TXLNA: variants seen among roughly 807,000 people sequenced by gnomAD.
TXLNA encodes the protein alpha-taxilin.
TXLNA carries 9 observed loss-of-function variants against 61.4 expected under a neutral mutation model. That is an observed-to-expected ratio of 0.15 (90% CI 0.09 to 0.26). The LOEUF (loss-of-function observed/expected upper bound fraction) is 0.26, where lower values mean the gene tolerates loss of function less well. Ranked by LOEUF, TXLNA falls within the 10% of genes least tolerant of loss-of-function variation. The pLI, the probability that TXLNA is intolerant of heterozygous loss-of-function variation, is 1.00. For synonymous variants in TXLNA, 257 were observed against 267.7 expected, an observed-to-expected ratio of 0.96 and a Z score of 0.39; for missense variants, 565 against 688.8, an observed-to-expected ratio of 0.82 and a Z score of 2.01.
Position 32,192,516 on chromosome 1 carries a change from A to C in TXLNA, c.1083+86A>C. 1 of 1,594,090 alleles carries C rather than the reference A, an allele frequency of 6.3e-7. No homozygotes were observed. The highest frequency in any genetic ancestry group is 8.6e-7 in the Non-Finnish European group (1 of 1,166,610). ...AGCTCATAGCCGGGTTATATGGGAG[A>C]AGTCTGGCCAGACCAGGCACAGATT... On this transcript the variant is annotated intron_variant, in intron 7 of 10. Transcript: ENST00000373610. The surrounding 1 kb of genome is among the most constrained non-coding windows in gnomAD (Gnocchi z 4.2).
At chr1:32,189,553 T>TG (rs1642860524) in intron 5 of TXLNA, among the ~76,000 whole-genome samples, 1 of 151,626 alleles carries the variant, frequency 6.6e-6, no homozygotes, top group African/African-American at 2.4e-5. Flanking sequence ...TTTTTTTTTT[T>TG]TGGGGACGGA....
chr1:32,193,436 C>T lies in TXLNA; in HGVS notation c.1251+136C>T, dbSNP rs1025033063. 4 of 680,234 alleles carry T rather than the reference C, an allele frequency of 5.9e-6. No individual in the cohort carries two copies. In the African/African-American group the frequency reaches 7.1e-5, roughly 12 times the overall value. 42.1% of individuals were successfully genotyped at this position (680,234 alleles called of 1,614,324 possible). On this transcript the variant is annotated intron_variant, in intron 9 of 10. Coordinates refer to ENST00000373610, the MANE Select transcript of TXLNA (RefSeq NM_175852.4). ...GTTAGGAAGGTTCACAGCCTTTCCC[C>T]TCTTGAGGCAGTATCAGTGGTATGT...
chr1:32,185,558 ATTT>A (rs755164801), intron 4 of TXLNA, among the ~76,000 whole-genome samples: 2 of 82,790 alleles, frequency 2.4e-5, no homozygotes, highest in Non-Finnish European at 2.5e-5. Context: ...ATGCTAGGCT[ATTT>A]TTTTTTTTTT....
chr1:32,182,302 C>T (rs1360284942), intron 3 of TXLNA, among the ~76,000 whole-genome samples: 1 of 151,894 alleles, frequency 6.6e-6, no homozygotes, highest in Non-Finnish European at 1.5e-5. Flanking sequence ...AGGGAAGGCT[C>T]CCTGACTCAG....
chr1:32,183,201 G>A (rs1241795303), intron 3 of TXLNA, among the ~76,000 whole-genome samples: 1 of 151,434 alleles, frequency 6.6e-6, no homozygotes, highest in East Asian at 2.0e-4. Context: ...TCAGCTCCCT[G>A]CAAGCTCCGC....
chr1:32,184,679 A>G, intron 4 of TXLNA, 63 bp downstream of exon 4: 1 of 1,210,146 alleles, frequency 8.3e-7, no homozygotes, highest in Non-Finnish European at 1.2e-6. Flanking sequence ...CACCTGGTGT[A>G]AGGTTGGGGG....
chr1:32,192,501 C>G lies in TXLNA; in HGVS notation c.1083+71C>G. The G allele has an allele frequency of 6.2e-7, 1 of 1,601,662 alleles. No homozygotes were observed. Among genetic ancestry groups the G allele is most frequent in the Non-Finnish European group, 8.5e-7 (1 of 1,171,782 alleles). ...GCTGGGCTCTGGCTCAGCTCATAGC[C>G]GGGTTATATGGGAGAAGTCTGGCCA... is the stretch of plus-strand genomic sequence containing the variant. On this transcript the variant is annotated intron_variant, in intron 7 of 10. Coordinates refer to ENST00000373610, the MANE Select transcript of TXLNA (RefSeq NM_175852.4). This position sits in a 1 kb window ranked among gnomAD's most constrained non-coding sequence, Gnocchi z 4.2.
intron 1 of TXLNA, 95 bp downstream of exon 1, chr1:32,179,871 G>A (rs1436771373): frequency 1.3e-5 from 2 of 152,134 alleles, no homozygotes; most frequent in African/African-American, 4.8e-5. Flanking sequence ...CTCCCCGCGT[G>A]GGCCGGGGGC....
chr1:32,195,131 G>A lies in TXLNA; in HGVS notation c.1577G>A (p.Gly526Glu), dbSNP rs989149994. The change falls in exon 11 of 11, where the codon GGA becomes GAA. Residue 526 changes from glycine to glutamate, a missense_variant. By Grantham distance (98) the Gly-to-Glu change is moderately conservative. Around this residue, in one of 2 missense-constraint regions of TXLNA, gnomAD observed 373 missense variants for 504.0 expected, o/e 0.74. Coordinates refer to ENST00000373610, the MANE Select transcript of TXLNA (RefSeq NM_175852.4). ...GTCACAGAAGCGCCTTGCTACCCAG[G>A]AGCACCGAGCACAGAAGCATCAGGC... ...PRVTEAPCYP[G>E]APSTEASGQT... 11 of 1,613,758 alleles carry A rather than the reference G, an allele frequency of 6.8e-6. No homozygotes were observed. Among genetic ancestry groups the A allele is most frequent in the Non-Finnish European group, 9.3e-6 (11 of 1,179,882 alleles).
In TXLNA at chr1:32,195,026, G is replaced by A. The variant is rs748621393; in HGVS notation, c.1472G>A (p.Gly491Asp). Residue 491 changes from glycine (G) to aspartate (D), a missense_variant, in exon 11 of 11, where the codon GGT (glycine) becomes GAT (aspartate). Gly to Asp is a moderately conservative substitution (Grantham distance 94). Coordinates refer to ENST00000373610, the MANE Select transcript of TXLNA (RefSeq NM_175852.4). ...AAGAGGGTACAGGACCTGAGTGCTG[G>A]TGGCCAGGGCTCCCTCACTGACAGT... ...LNKRVQDLSA[G>D]GQGSLTDSGP... 6.2e-7 allele frequency: 1 copy of A among 1,614,226 alleles called. No individual in the cohort carries two copies. The highest frequency in any genetic ancestry group is 2.2e-5 in the East Asian group (1 of 44,886).
rs111872940 is a variant in TXLNA at position 32,192,289 on chromosome 1, G to A, written c.964-22G>A. The A allele has an allele frequency of 2.8e-3, 4,501 of 1,611,708 alleles. 100 individuals carry two copies. The African/African-American group carries it at 0.053, about 19-fold the overall frequency. ...AAAGGGAGCGCCTGACAAGCCGACT[G>A]CTCCCACCATCTTTGTTGCAGCATA... is the stretch of plus-strand genomic sequence containing the variant. On this transcript the variant is annotated intron_variant, in intron 6 of 10. Coordinates refer to ENST00000373610, the MANE Select transcript of TXLNA (RefSeq NM_175852.4). This position sits in a 1 kb window ranked among gnomAD's most constrained non-coding sequence, Gnocchi z 4.2.
intron 3 of TXLNA, among the ~76,000 whole-genome samples, chr1:32,184,034 G>T (rs181943730): frequency 1.0e-3 from 159 of 152,332 alleles, no homozygotes; most frequent in African/African-American, 3.7e-3. Flanking sequence ...ACCTTGCCTG[G>T]CCGAAAGTAT....
At chr1:32,181,195 A>T in intron 2 of TXLNA, 47 bp from the exon 3 acceptor site, 1 of 1,463,378 alleles carries the variant, frequency 6.8e-7, no homozygotes, top group Non-Finnish European at 9.1e-7. Flanking sequence ...AACCAGTGGT[A>T]TAATCGTCTT....
At chr1:32,184,788 G>C (rs1385988457) in intron 4 of TXLNA, among the ~76,000 whole-genome samples, 172 bp downstream of exon 4, 1 of 152,218 alleles carries the variant, frequency 6.6e-6, no homozygotes, top group African/African-American at 2.4e-5. Context: ...GGGCTGTGCA[G>C]CAAGAGGAGA....
At chr1:32,190,373 T>C (rs1642880410) in intron 6 of TXLNA, 124 bp downstream of exon 6, 3 of 892,534 alleles carry the variant, frequency 3.4e-6, no homozygotes, top group South Asian at 2.1e-5. Flanking sequence ...TCCTCCTCCT[T>C]GGGAGGAGAG....
rs1643003488 is a variant in TXLNA at position 32,195,675 on chromosome 1, G to A, written c.*480G>A. On this transcript the variant is annotated 3_prime_UTR_variant, in exon 11 of 11. Transcript: ENST00000373610. ...CTCAGGCCCTCCTAGCTGCTCTGGA[G>A]GCTCCTTTGATTCTCTAGACCTGGA... 1 of 456,350 alleles carries A rather than the reference G, an allele frequency of 2.2e-6. No homozygotes were observed. The highest frequency in any genetic ancestry group is 2.0e-5 in the African/African-American group (1 of 50,020). The allele number at this position is 456,350 out of a possible 1,614,324, so 28.3% of individuals were successfully genotyped here. A position where few individuals can be genotyped will look rare whatever the true frequency, so the allele number is the denominator to read the frequency against.
chr1:32,194,543 T>A (rs1303197618), intron 10 of TXLNA, among the ~76,000 whole-genome samples: 3 of 152,216 alleles, frequency 2.0e-5, no homozygotes, highest in African/African-American at 4.8e-5. Context: ...TGGGTTTTTT[T>A]TGTCTTTTTT....
chr1:32,184,604 G>A lies in TXLNA; in HGVS notation c.585G>A (p.Lys195=). ...AGAAGCTGGCTGCTCTGTGCAAGAA[G>A]TATGCTGAACTGGTCAGTTCCCCCC... ...PEEKLAALCK[K]YAELLEEHRN... is the part of the protein sequence containing the mutation. The change falls in exon 4 of 11, where the codon AAG becomes AAA. Residue 195 remains lysine, a synonymous_variant. Coordinates refer to ENST00000373610, the MANE Select transcript of TXLNA (RefSeq NM_175852.4). The A allele has an allele frequency of 6.2e-7, 1 of 1,612,810 alleles. No individual in the cohort carries two copies. The highest frequency in any genetic ancestry group is 8.5e-7 in the Non-Finnish European group (1 of 1,178,910).
At position 32,192,212 on chromosome 1, in the gene TXLNA, G is replaced by T; in HGVS notation, c.964-99G>T. On this transcript the variant is annotated intron_variant, in intron 6 of 10. Coordinates refer to ENST00000373610, the MANE Select transcript of TXLNA (RefSeq NM_175852.4). This position sits in a 1 kb window ranked among gnomAD's most constrained non-coding sequence, Gnocchi z 4.2. ...ATGGGAGTCCATCATATCAGATTGA[G>T]ATGGGGGGCTGGGCAAAGTGCCCTG... The T allele has an allele frequency of 6.6e-7, 1 of 1,524,554 alleles. No homozygotes were observed. Among genetic ancestry groups the T allele is most frequent in the Non-Finnish European group, 8.9e-7 (1 of 1,119,882 alleles). The allele number at this position is 1,524,554 out of a possible 1,614,324, so 94.4% of individuals were successfully genotyped here.
Sources: gnomAD v4.1 joint callset for allele counts (sites outside exome capture counted in the v4.1 genomes callset) on GRCh38, gnomAD v4.1.1 for gene constraint, gnomAD v4.1.1 regional missense constraint, Gnocchi (gnomAD v3.1) non-coding constraint, MANE v1.5 for transcripts, NCBI Gene and HGNC (gene_info 2026-07-23, HGNC 2026-07-21) for gene names.